LRGUK: variants seen among roughly 807,000 people sequenced by gnomAD.
LRGUK encodes the protein leucine rich repeats and guanylate kinase domain containing.
A neutral mutation model predicts 76.0 loss-of-function variants in LRGUK; 65 were observed. That is an observed-to-expected ratio of 0.85 (90% CI 0.70 to 1.05). LRGUK has a LOEUF of 1.05. Among genes scored for constraint, LRGUK ranks in the 50% least tolerant of loss-of-function variants. The pLI, the probability that LRGUK is intolerant of heterozygous loss-of-function variation, is 0.00. For missense variants in LRGUK, 758 were observed against 732.8 expected (o/e 1.03, Z -0.40); for synonymous variants, 268 against 265.6 (o/e 1.01, Z -0.09).
the LRGUK span, among the ~76,000 whole-genome samples, chr7:134,275,187 T>G: frequency 6.6e-6 from 1 of 152,192 alleles, no homozygotes; most frequent in Non-Finnish European, 1.5e-5. Context: ...AATTACAGAC[T>G]CAGTTTATAG....
At chr7:134,275,381 G>T in the LRGUK span, among the ~76,000 whole-genome samples, 1 of 152,156 alleles carries the variant, frequency 6.6e-6, no homozygotes, top group Admixed American at 6.6e-5. Flanking sequence ...AAAGTGAGGG[G>T]AAGGGAGCAT....
chr7:134,139,620 G>A (rs1194814298), intron 3 of LRGUK, 103 bp downstream of exon 3: 2 of 701,234 alleles, frequency 2.9e-6, no homozygotes, highest in Non-Finnish European at 4.7e-6. Context: ...TCACTAATTT[G>A]TGTATCAATT....
chr7:134,167,183 A>G (rs570787759), intron 7 of LRGUK, among the ~76,000 whole-genome samples: 35 of 152,192 alleles, frequency 2.3e-4, no homozygotes, highest in Admixed American at 7.9e-4. Flanking sequence ...GCCTCCTTAC[A>G]CCCAAAGGTG....
chr7:134,164,548 C>T (rs1267110303), intron 7 of LRGUK, among the ~76,000 whole-genome samples: 13 of 152,152 alleles, frequency 8.5e-5, no homozygotes, highest in African/African-American at 3.1e-4. Context: ...AGGTCTACAA[C>T]GTTATTTTAT....
intron 5 of LRGUK, among the ~76,000 whole-genome samples, chr7:134,155,254 A>T (rs1001131236): frequency 6.6e-6 from 1 of 152,144 alleles, no homozygotes; most frequent in African/African-American, 2.4e-5. Flanking sequence ...CTTATGTTTC[A>T]TATTCATATT....
At chr7:134,129,322 TTCCC>T (rs1301566058) in intron 1 of LRGUK, among the ~76,000 whole-genome samples, 3 of 103,774 alleles carry the variant, frequency 2.9e-5, no homozygotes, top group Non-Finnish European at 5.9e-5. Flanking sequence ...TCTTTCTTTC[TTCCC>T]TCCCTCCCTT....
At chr7:134,258,556 A>C in intron 19 of LRGUK, 151 bp downstream of exon 19, 1 of 666,382 alleles carries the variant, frequency 1.5e-6, no homozygotes, top group Non-Finnish European at 2.4e-6. Flanking sequence ...AAAATTGGCC[A>C]GGTGTGGTGG....
At chr7:134,157,217 G>A (rs1679731854) in intron 5 of LRGUK, among the ~76,000 whole-genome samples, 1 of 152,200 alleles carries the variant, frequency 6.6e-6, no homozygotes, top group Admixed American at 6.5e-5. Flanking sequence ...TTGAATGGAG[G>A]TCAATGTAGA....
chr7:134,137,087 C>T (rs1373928655), exon 2 of LRGUK: 7 of 1,613,186 alleles, frequency 4.3e-6, no homozygotes, highest in South Asian at 1.1e-5. Flanking sequence ...TTGGGGCGCT[C>T]AGGCTCTGGG....
At chr7:134,239,926 C>T (rs1802099718) in intron 16 of LRGUK, among the ~76,000 whole-genome samples, 1 of 152,318 alleles carries the variant, frequency 6.6e-6, no homozygotes, top group African/African-American at 2.4e-5. Context: ...ACTGGTGATA[C>T]CCAGGCAAAC....
At chr7:134,166,896 C>A (rs994803494) in intron 7 of LRGUK, among the ~76,000 whole-genome samples, 1 of 152,212 alleles carries the variant, frequency 6.6e-6, no homozygotes, top group Non-Finnish European at 1.5e-5. Flanking sequence ...TCTTCACATA[C>A]GTGAGCAAAA....
chr7:134,139,858 C>T lies in LRGUK; in HGVS notation c.487+341C>T, dbSNP rs1369423245. Reference sequence around the variant, plus strand: ...TTTTCTTTTCCTCTGTTACTCAGTGCAGATGAATTAGTCTTTTTTTTCTTT... The same window carrying T: ...TTTTCTTTTCCTCTGTTACTCAGTGTAGATGAATTAGTCTTTTTTTTCTTT... On this transcript the variant is annotated intron_variant, in intron 3 of 15. Coordinates refer to ENST00000645682, the Ensembl canonical transcript of LRGUK. Among the ~76,000 whole-genome samples the T allele has an allele frequency of 2.0e-5, 3 of 152,028 alleles. No individual in the cohort carries two copies. The East Asian group carries it at 5.8e-4, about 29-fold the overall frequency.
chr7:134,213,849 A>G (rs1202452147), downstream of LRGUK, among the ~76,000 whole-genome samples: 1 of 152,250 alleles, frequency 6.6e-6, no homozygotes, highest in Non-Finnish European at 1.5e-5. Context: ...ATAGAATAAC[A>G]ATGTTTAAAA....
chr7:134,163,811 A>G (rs1278848143), intron 7 of LRGUK, among the ~76,000 whole-genome samples: 1 of 152,230 alleles, frequency 6.6e-6, no homozygotes, highest in African/African-American at 2.4e-5. Context: ...TCTAAAGTAT[A>G]CATGTTCATT....
chr7:134,174,464 T>C, intron 7 of LRGUK, 92 bp from the exon 8 acceptor site: 1 of 769,968 alleles, frequency 1.3e-6, no homozygotes, highest in Non-Finnish European at 2.2e-6. Flanking sequence ...ATAAGTTGAA[T>C]TTAAAGGACC....
chr7:134,193,225 G>C (rs931234231), intron 12 of LRGUK, among the ~76,000 whole-genome samples: 1 of 152,160 alleles, frequency 6.6e-6, no homozygotes, highest in Non-Finnish European at 1.5e-5. Context: ...TGGCAGTTCA[G>C]TTTAATTGAT....
intron 16 of LRGUK, among the ~76,000 whole-genome samples, chr7:134,240,844 C>A (rs1802132192): frequency 6.6e-6 from 1 of 152,212 alleles, no homozygotes; most frequent in Non-Finnish European, 1.5e-5. Context: ...ATCAGAATAA[C>A]AGCGGATATC....
chr7:134,141,907 G>A (rs543148128), intron 3 of LRGUK, among the ~76,000 whole-genome samples: 109 of 152,272 alleles, frequency 7.2e-4, no homozygotes, highest in African/African-American at 2.5e-3. Context: ...GTAAGGAAGG[G>A]CATGGTTTCG....
At chr7:134,246,431 A>G (rs971843366) in intron 16 of LRGUK, among the ~76,000 whole-genome samples, 1 of 152,252 alleles carries the variant, frequency 6.6e-6, no homozygotes, top group Admixed American at 6.5e-5. Flanking sequence ...TTACAATCAC[A>G]TCAACTTAAT....
Sources: allele counts gnomAD v4.1 joint callset (sites outside exome capture counted in the v4.1 genomes callset), GRCh38; gene constraint gnomAD v4.1.1; transcripts MANE v1.5; gene names NCBI Gene and HGNC (gene_info 2026-07-23, HGNC 2026-07-21).